CEACAM5: variants seen among roughly 807,000 people sequenced by gnomAD.
CEACAM5 encodes the protein CEA cell adhesion molecule 5.
Under a neutral mutation model 63.0 loss-of-function variants are expected in CEACAM5, and 52 were observed. That is an observed-to-expected ratio of 0.83 (90% CI 0.66 to 1.04). CEACAM5 has a LOEUF of 1.04. Ranked by LOEUF, CEACAM5 falls within the 50% of genes least tolerant of loss-of-function variation. The pLI is 0.00. For synonymous variants in CEACAM5, 357 were observed against 351.3 expected (o/e 1.02, Z -0.18); for missense variants, 790 against 864.8 (o/e 0.91, Z 1.08).
At position 41,721,706 on chromosome 19, in the gene CEACAM5, G is replaced by C. The variant is rs2072624972; in HGVS notation, c.2026+530G>C. Among the ~76,000 whole-genome samples the C allele has an allele frequency of 2.6e-5, 4 of 152,266 alleles. No individual in the cohort carries two copies. The South Asian group carries it at 8.3e-4, about 31-fold the overall frequency. ...CTCTGCCCTGGCTCCACTTGGGGTG[G>C]GACCGGGGCATGTGGAGAAGGTGTC... On this transcript the variant is annotated intron_variant, in intron 8 of 9. Transcript: ENST00000221992.
At position 41,721,001 on chromosome 19, in the gene CEACAM5, G is replaced by T; in HGVS notation, c.1851G>T (p.Ser617=). 6.2e-7 allele frequency: 1 copy of T among 1,613,896 alleles called. No homozygotes were observed. Residue 617 remains serine, a synonymous_variant, in exon 8 of 10, where the codon TCG becomes TCT. Transcript: ENST00000221992. ...CGAACCTCAACCTCTCCTGCCACTC[G>T]GCCTCTAACCCATCCCCGCAGTATT... is the stretch of plus-strand genomic sequence containing the variant. The part of the protein sequence containing the change: ...SGANLNLSCH[S]ASNPSPQYSW...
chr19:41,709,939 G>A lies in CEACAM5; in HGVS notation c.324G>A (p.Leu108=), dbSNP rs1352392812. 5 of 1,614,006 alleles carry A rather than the reference G, an allele frequency of 3.1e-6. No homozygotes were observed. The highest frequency in any genetic ancestry group is 4.2e-6 in the Non-Finnish European group (5 of 1,180,006). The stretch of plus-strand genomic sequence containing the variant: ...TAATATACCCCAATGCATCCCTGCT[G>A]ATCCAGAACATCATCCAGAATGACA... ...REIIYPNASL[L]IQNIIQNDTG... Residue 108 remains leucine (L), a synonymous_variant, in exon 2 of 10, where the codon CTG becomes CTA. Transcript: ENST00000221992.
rs1555815452 is a variant in CEACAM5, at chr19:41,718,317, C to T, written c.1427C>T (p.Thr476Ile). 6.2e-6 allele frequency: 10 copies of T among 1,614,074 alleles called. No homozygotes were observed. The highest frequency in any genetic ancestry group is 8.5e-6 in the Non-Finnish European group (10 of 1,180,042). ...NITEKNSGLY[T>I]CQANNSASGH... ...ACTGAGAAGAACAGCGGACTCTATA[C>T]CTGCCAGGCCAATAACTCAGCCAGT... The change falls in exon 6 of 10, where the codon ACC becomes ATC. Residue 476 changes from threonine (T) to isoleucine (I), a missense_variant. Physicochemically the swap from Thr to Ile is moderately conservative, Grantham distance 89 (BLOSUM62 -1). Coordinates refer to ENST00000221992, the MANE Select transcript of CEACAM5 (RefSeq NM_004363.6).
At chr19:41,714,864 A>G in intron 2 of CEACAM5, 107 bp from the exon 3 acceptor site, 1 of 1,562,510 alleles carries the variant, frequency 6.4e-7, no homozygotes, top group Admixed American at 1.8e-5. Flanking sequence ...TGGGTTTTTA[A>G]GGGCTCAGGT....
At chr19:41,711,032 C>T (rs2072427329) in intron 2 of CEACAM5, among the ~76,000 whole-genome samples, 1 of 152,196 alleles carries the variant, frequency 6.6e-6, no homozygotes, top group South Asian at 2.1e-4. Flanking sequence ...CCACAGCCCC[C>T]TCCTCTCCTC....
rs375165799 is a variant in CEACAM5 at position 41,720,971 on chromosome 19, G to A, written c.1821G>A (p.Ser607=). 14 of 1,613,754 alleles carry A rather than the reference G, an allele frequency of 8.7e-6. No individual in the cohort carries two copies. Among genetic ancestry groups the A allele is most frequent in the South Asian group, 5.5e-5 (5 of 91,060 alleles). The change falls in exon 8 of 10, where the codon TCG becomes TCA. Residue 607 remains serine, a synonymous_variant. Transcript: ENST00000221992. ...IISPPDSSYL[S]GANLNLSCHS... is the part of the protein sequence containing the mutation. ...CCCCCCCAGACTCGTCTTACCTTTCGGGAGCGAACCTCAACCTCTCCTGCC... is the reference window on the plus strand; with the variant it reads ...CCCCCCCAGACTCGTCTTACCTTTCAGGAGCGAACCTCAACCTCTCCTGCC...
intron 6 of CEACAM5, 55 bp from the exon 7 acceptor site, chr19:41,719,875 C>T: frequency 6.2e-7 from 1 of 1,608,122 alleles, no homozygotes; most frequent in East Asian, 2.2e-5. Flanking sequence ...TGAAAGATGC[C>T]TGTGAGGAAT....
chr19:41,725,905 T>A (rs1452844786), intron 8 of CEACAM5, among the ~76,000 whole-genome samples: 1 of 152,186 alleles, frequency 6.6e-6, no homozygotes, highest in African/African-American at 2.4e-5. Context: ...AGTTGTAAAG[T>A]TAGGTTGTTG....
intron 2 of CEACAM5, 88 bp downstream of exon 2, chr19:41,710,127 C>T (rs1165909381): frequency 2.6e-6 from 4 of 1,534,004 alleles, no homozygotes; most frequent in East Asian, 2.2e-5. Flanking sequence ...GTGCCTGTGG[C>T]CCCCTCTGCA....
intron 2 of CEACAM5, among the ~76,000 whole-genome samples, chr19:41,711,430 G>A (rs1419287835): frequency 3.9e-5 from 6 of 152,222 alleles, no homozygotes; most frequent in Non-Finnish European, 7.3e-5. Context: ...AGGGGGGAAT[G>A]AGTGAAGGAA....
chr19:41,725,081 G>A (rs1555816877), intron 8 of CEACAM5, among the ~76,000 whole-genome samples: 1 of 152,182 alleles, frequency 6.6e-6, no homozygotes, highest in Admixed American at 6.5e-5. Context: ...TATCATGTTA[G>A]CATTGGGCTT....
intron 1 of CEACAM5, 44 bp downstream of exon 1, chr19:41,708,839 G>T: frequency 1.8e-6 from 1 of 564,978 alleles, no homozygotes; most frequent in South Asian, 2.4e-5. Flanking sequence ...GAGGGAGCTG[G>T]GGTCTCCTGG....
intron 6 of CEACAM5, among the ~76,000 whole-genome samples, chr19:41,719,553 T>C (rs2072582993): frequency 6.6e-6 from 1 of 152,046 alleles, no homozygotes; most frequent in African/African-American, 2.4e-5. Flanking sequence ...CACCCCACGG[T>C]TGGGTGGTGT....
chr19:41,720,530 G>A (rs147836531), intron 7 of CEACAM5, among the ~76,000 whole-genome samples: 3,076 of 137,656 alleles, frequency 0.022, 109 homozygotes, highest in African/African-American at 0.076. Context: ...TTTTTGAGAC[G>A]GAGTCTCGCT....
chr19:41,721,894 C>T (rs942076832), intron 8 of CEACAM5, among the ~76,000 whole-genome samples: 2 of 152,134 alleles, frequency 1.3e-5, no homozygotes, highest in African/African-American at 2.4e-5. Context: ...GTGGACACAG[C>T]ACATAGGACA....
At position 41,717,798 on chromosome 19, in the gene CEACAM5, G is replaced by A. The variant is rs2072551965; in HGVS notation, c.1237+65G>A. The A allele has an allele frequency of 9.5e-6, 15 of 1,575,920 alleles. No homozygotes were observed. In the East Asian group the frequency reaches 3.1e-4, roughly 33 times the overall value. On this transcript the variant is annotated intron_variant, in intron 5 of 9. Transcript: ENST00000221992. ...CCAAATCCACATAGCCAAAGTCCAGGCCTCTCAGTCCCTCTCAGGCCCAAG... is the reference window on the plus strand; with the variant it reads ...CCAAATCCACATAGCCAAAGTCCAGACCTCTCAGTCCCTCTCAGGCCCAAG...
At position 41,717,577 on chromosome 19, in the gene CEACAM5, C is replaced by A. The variant is rs1322740937; in HGVS notation, c.1081C>A (p.Gln361Lys). ...NTTYLWWVNNQSLPVSPRLQL... is the reference protein window; with the variant it reads ...NTTYLWWVNNKSLPVSPRLQL... ...AACCTACCTGTGGTGGGTAAATAAT[C>A]AGAGCCTCCCGGTCAGTCCCAGGCT... The change falls in exon 5 of 10, where the codon CAG (glutamine) becomes AAG (lysine). Residue 361 changes from glutamine (Q) to lysine (K), a missense_variant. By Grantham distance (53) the Gln-to-Lys change is moderately conservative (BLOSUM62 1). Coordinates refer to ENST00000221992, the MANE Select transcript of CEACAM5 (RefSeq NM_004363.6). The A allele has an allele frequency of 2.5e-6, 4 of 1,614,126 alleles. No individual in the cohort carries two copies. Among genetic ancestry groups the A allele is most frequent in the Non-Finnish European group, 3.4e-6 (4 of 1,180,056 alleles).
At chr19:41,725,795 T>A (rs1197037569) in intron 8 of CEACAM5, among the ~76,000 whole-genome samples, 1 of 152,244 alleles carries the variant, frequency 6.6e-6, no homozygotes, top group Non-Finnish European at 1.5e-5. Flanking sequence ...ATTCCTTCTA[T>A]TGTTTTTCAA....
At chr19:41,727,961 A>G (rs1555817357) in intron 9 of CEACAM5, among the ~76,000 whole-genome samples, 1 of 152,170 alleles carries the variant, frequency 6.6e-6, no homozygotes, top group African/African-American at 2.4e-5. Flanking sequence ...GTTACACCTA[A>G]AAACATGTCA....
Sources: allele counts gnomAD v4.1 joint callset (sites outside exome capture counted in the v4.1 genomes callset), GRCh38; gene constraint gnomAD v4.1.1; transcripts MANE v1.5; gene names NCBI Gene and HGNC (gene_info 2026-07-23, HGNC 2026-07-21).